The following TRAPPC8 variants were observed in gnomAD, a reference collection of about 807,000 sequenced individuals.
TRAPPC8 encodes the protein general sporulation gene 1 homolog.
In TRAPPC8, 54 loss-of-function variants were observed where a neutral mutation model predicts 174.3. The observed-to-expected ratio is 0.31, with a 90% CI of 0.25 to 0.39. The LOEUF (loss-of-function observed/expected upper bound fraction) is 0.39. TRAPPC8 is among the 10% of genes least tolerant of loss of function. TRAPPC8 has a pLI of 1.00. For missense variants in TRAPPC8, 1,531 were observed against 1,699.1 expected, an observed-to-expected ratio of 0.90 and a Z score of 1.74; for synonymous variants, 630 against 579.9, an observed-to-expected ratio of 1.09 and a Z score of -1.24.
chr18:31,936,480 A>G (rs2038103352), intron 1 of TRAPPC8, among the ~76,000 whole-genome samples: 1 of 152,200 alleles, frequency 6.6e-6, no homozygotes, highest in Non-Finnish European at 1.5e-5. Context: ...TTAATAAAAC[A>G]AAATGAAAAC....
intron 1 of TRAPPC8, 49 bp downstream of exon 1, chr18:31,942,559 C>A (rs1265312737): frequency 6.8e-7 from 1 of 1,480,832 alleles, no homozygotes; most frequent in East Asian, 2.6e-5. Flanking sequence ...TTCCTTCTCC[C>A]GACCACGGCT....
At chr18:31,901,855 T>C (rs1375172822) in intron 9 of TRAPPC8, among the ~76,000 whole-genome samples, 3 of 152,274 alleles carry the variant, frequency 2.0e-5, no homozygotes, top group Non-Finnish European at 4.4e-5. Flanking sequence ...TGCACGTATA[T>C]ACAATGTGCT....
At chr18:31,936,035 C>T (rs906626390) in intron 1 of TRAPPC8, among the ~76,000 whole-genome samples, 12 of 152,050 alleles carry the variant, frequency 7.9e-5, no homozygotes, top group Non-Finnish European at 1.8e-4. Context: ...CCACACCTGG[C>T]ACAAGACCCC....
chr18:31,880,106 TATATATATATATATA>T (rs1469593403), intron 12 of TRAPPC8, among the ~76,000 whole-genome samples: 3 of 88,836 alleles, frequency 3.4e-5, no homozygotes, highest in African/African-American at 1.4e-4. Context: ...TATATATATA[TATATATATATATATA>T]TTTTTTTTTT....
At chr18:31,916,964 C>T (rs1333880328) in intron 3 of TRAPPC8, among the ~76,000 whole-genome samples, 3 of 150,822 alleles carry the variant, frequency 2.0e-5, no homozygotes, top group African/African-American at 7.3e-5. Context: ...TTTTTGTTGA[C>T]AGTTTTTTCG....
chr18:31,830,639 T>C lies in TRAPPC8; in HGVS notation c.*116A>G, dbSNP rs758175261. 56 of 808,072 alleles carry C rather than the reference T, an allele frequency of 6.9e-5. No individual in the cohort carries two copies. The highest frequency in any genetic ancestry group is 1.0e-4 in the Non-Finnish European group (54 of 520,642). The allele number at this position is 808,072 out of a possible 1,614,324, so 50.1% of individuals were successfully genotyped here. A position where few individuals can be genotyped will look rare whatever the true frequency, so the allele number is the denominator to read the frequency against. ...CAACAAAATGACAAGTCAAAGTATT[T>C]TGCAGGGATCAGATATCAATCAACC... On this transcript the variant is annotated 3_prime_UTR_variant, in exon 29 of 29. Coordinates refer to ENST00000283351, the MANE Select transcript of TRAPPC8 (RefSeq NM_014939.5).
At chr18:31,890,695 A>G in intron 12 of TRAPPC8, 40 bp downstream of exon 12, 1 of 1,573,658 alleles carries the variant, frequency 6.4e-7, no homozygotes, top group Non-Finnish European at 8.6e-7. Context: ...ACATTTATAA[A>G]ATAAATAGCA....
intron 16 of TRAPPC8, among the ~76,000 whole-genome samples, chr18:31,868,478 A>C (rs1255956898): frequency 1.3e-5 from 2 of 152,176 alleles, no homozygotes; most frequent in East Asian, 3.8e-4. Context: ...AAAGCTAATA[A>C]ATCTTTTTAA....
chr18:31,851,761 T>C (rs1470202403), intron 24 of TRAPPC8, among the ~76,000 whole-genome samples: 4 of 152,086 alleles, frequency 2.6e-5, no homozygotes, highest in Non-Finnish European at 5.9e-5. Flanking sequence ...ATTATCTGGG[T>C]CTCAGAATAT....
chr18:31,881,280 T>C (rs1261819756), intron 12 of TRAPPC8, among the ~76,000 whole-genome samples: 2 of 151,976 alleles, frequency 1.3e-5, no homozygotes, highest in East Asian at 1.9e-4. Context: ...ATGGTACTGG[T>C]ACAAAAAATA....
At chr18:31,929,851 CAA>C (rs1451161648) in intron 2 of TRAPPC8, among the ~76,000 whole-genome samples, 1 of 152,060 alleles carries the variant, frequency 6.6e-6, no homozygotes, top group Non-Finnish European at 1.5e-5. Flanking sequence ...AAGAAATACC[CAA>C]ATTTTTGCTT....
chr18:31,889,652 G>A (rs1467090033), intron 12 of TRAPPC8, among the ~76,000 whole-genome samples: 2 of 152,242 alleles, frequency 1.3e-5, no homozygotes, highest in East Asian at 3.9e-4. Flanking sequence ...TAGAGCCTGA[G>A]AAATTCTAAT....
intron 26 of TRAPPC8, among the ~76,000 whole-genome samples, chr18:31,841,667 T>A (rs1008503635): frequency 6.6e-6 from 1 of 152,214 alleles, no homozygotes; most frequent in Non-Finnish European, 1.5e-5. Context: ...AAAATTATAA[T>A]TTTATATGCC....
intron 2 of TRAPPC8, among the ~76,000 whole-genome samples, chr18:31,927,222 C>G (rs1179544717): frequency 6.6e-6 from 1 of 152,168 alleles, no homozygotes; most frequent in Admixed American, 6.5e-5. Context: ...ATCTTCTCAC[C>G]TCAGCCTCCT....
Position 31,913,349 on chromosome 18 carries a change from C to T in TRAPPC8, c.771+20G>A. ...GAAGTATCGTTTTTGTGGTTTGCTT[C>T]ATTTATTTTTTACATATACCTGGTT... On this transcript the variant is annotated intron_variant, in intron 5 of 28. Transcript: ENST00000283351. The T allele has an allele frequency of 6.5e-7, 1 of 1,549,888 alleles. No homozygotes were observed. Among genetic ancestry groups the T allele is most frequent in the Non-Finnish European group, 8.7e-7 (1 of 1,155,100 alleles).
Position 31,857,700 on chromosome 18 carries a change from T to C in TRAPPC8, c.3028A>G (p.Ser1010Gly), listed in dbSNP as rs1469177143. ...GGAACAGGAATCACCTCTGGTTGAC[T>C]TCCTGTGCCAATGCCAAAGTCTACA... The part of the protein sequence containing the change: ...SSVDFGIGTG[S>G]QPEVIPVPLP... The change falls in exon 20 of 29, where the codon AGT (serine) becomes GGT (glycine). Residue 1010 changes from serine (S) to glycine (G), a missense_variant. Transcript: ENST00000283351. 5 of 1,614,052 alleles carry C rather than the reference T, an allele frequency of 3.1e-6. No homozygotes were observed. The highest frequency in any genetic ancestry group is 4.2e-6 in the Non-Finnish European group (5 of 1,180,036).
chr18:31,941,410 T>G (rs563593015), intron 1 of TRAPPC8, among the ~76,000 whole-genome samples: 2 of 152,206 alleles, frequency 1.3e-5, no homozygotes, highest in South Asian at 4.2e-4. Flanking sequence ...GCCACTGCAC[T>G]CCAGTCTGGG....
chr18:31,935,868 T>TG (rs1430007146), intron 1 of TRAPPC8, among the ~76,000 whole-genome samples: 5 of 151,762 alleles, frequency 3.3e-5, no homozygotes, highest in African/African-American at 1.2e-4. Context: ...CCCGAGTAGC[T>TG]GGGATTACAG....
At position 31,853,935 on chromosome 18, in the gene TRAPPC8, C is replaced by T. The variant is rs370225359; in HGVS notation, c.3347G>A (p.Gly1116Asp). 1.2e-6 allele frequency: 2 copies of T among 1,608,602 alleles called. No homozygotes were observed. Among genetic ancestry groups the T allele is most frequent in the South Asian group, 2.2e-5 (2 of 90,374 alleles). The change falls in exon 22 of 29, where the codon GGC becomes GAC. Residue 1116 changes from glycine (G) to aspartate (D), a missense_variant. Coordinates refer to ENST00000283351, the MANE Select transcript of TRAPPC8 (RefSeq NM_014939.5). ...DVENTNTSEA[G>D]VKEFHIVQVS... Reference sequence around the variant, plus strand: ...TTGCACTATGTGGAATTCCTTAACGCCTGCTTCACTCTGTCAAAAAAAAAG... The same window carrying T: ...TTGCACTATGTGGAATTCCTTAACGTCTGCTTCACTCTGTCAAAAAAAAAG...
Sources: allele counts gnomAD v4.1 joint callset (sites outside exome capture counted in the v4.1 genomes callset), GRCh38; gene constraint gnomAD v4.1.1; transcripts MANE v1.5; gene names NCBI Gene and HGNC (gene_info 2026-07-23, HGNC 2026-07-21).